The following EXOC4 variants were observed in gnomAD, a reference collection of about 807,000 sequenced individuals.
EXOC4 encodes exocyst complex component 4, also known as SEC8-like 1.
A neutral mutation model predicts 107.2 loss-of-function variants in EXOC4; 71 were observed. The ratio of observed to expected loss-of-function variants is 0.66; its 90% CI spans 0.55 to 0.81. The LOEUF (loss-of-function observed/expected upper bound fraction) is 0.81. EXOC4 is among the 30% of genes least tolerant of loss of function. The pLI is 0.00. For synonymous variants in EXOC4, 456 were observed against 441.2 expected (o/e 1.03, Z -0.42); for missense variants, 1,108 against 1,189.6 (o/e 0.93, Z 1.01).
intron 11 of EXOC4, among the ~76,000 whole-genome samples, chr7:133,846,529 T>C (rs1258261733): frequency 2.0e-5 from 3 of 152,320 alleles, no homozygotes; most frequent in East Asian, 1.9e-4. Flanking sequence ...CAATCAGATA[T>C]ACATTGTTCT....
At chr7:133,528,309 C>A (rs1800118029) in intron 9 of EXOC4, among the ~76,000 whole-genome samples, 1 of 152,020 alleles carries the variant, frequency 6.6e-6, no homozygotes, top group Non-Finnish European at 1.5e-5. Context: ...AGAGAAATTT[C>A]CTTATAGTCT....
At chr7:133,937,749 A>T in intron 13 of EXOC4, 142 bp from the exon 14 acceptor site, 1 of 747,390 alleles carries the variant, frequency 1.3e-6, no homozygotes, top group Non-Finnish European at 2.2e-6. Context: ...TAGTTGTCTC[A>T]CAAAGTTAAA....
chr7:133,413,948 T>C lies in EXOC4; in HGVS notation c.1182+38946T>C, dbSNP rs577345822. On this transcript the variant is annotated intron_variant, in intron 7 of 17. Coordinates refer to ENST00000253861, the MANE Select transcript of EXOC4 (RefSeq NM_021807.4). ...ACAGAGAAGACACTTGAAGCAGATA[T>C]AAAAATCACAAGCCCTAAAAGACTG... Among the ~76,000 whole-genome samples the C allele has an allele frequency of 3.9e-5, 6 of 152,118 alleles. No individual in the cohort carries two copies. The South Asian group carries it at 6.2e-4, about 16-fold the overall frequency.
chr7:134,020,589 T>G (rs901223467), intron 17 of EXOC4, among the ~76,000 whole-genome samples: 1 of 152,214 alleles, frequency 6.6e-6, no homozygotes, highest in Non-Finnish European at 1.5e-5. Context: ...CTTGGAAATT[T>G]GGGAGTAAAC....
chr7:133,387,171 A>G (rs890955142), intron 7 of EXOC4, among the ~76,000 whole-genome samples: 1 of 152,202 alleles, frequency 6.6e-6, no homozygotes, highest in Admixed American at 6.5e-5. Flanking sequence ...AGGATTAGTA[A>G]GTGATACAGG....
At chr7:133,494,901 C>T (rs1458852265) in intron 9 of EXOC4, among the ~76,000 whole-genome samples, 2 of 152,002 alleles carry the variant, frequency 1.3e-5, no homozygotes, top group African/African-American at 4.8e-5. Flanking sequence ...TAGTTATTAG[C>T]CATATTTGTT....
intron 10 of EXOC4, among the ~76,000 whole-genome samples, chr7:133,679,538 G>GTCCATCCATCCATCCATCCATCCATCCA (rs200481678): frequency 1.2e-4 from 17 of 143,150 alleles, no homozygotes; most frequent in African/African-American, 3.2e-4. Context: ...CCATCCGTCC[G>GTCCATCCATCCATCCATCCATCCATCCA]TCCGTCCATC....
intron 10 of EXOC4, among the ~76,000 whole-genome samples, chr7:133,700,670 A>G (rs977679737): frequency 6.6e-6 from 1 of 152,200 alleles, no homozygotes; most frequent in African/African-American, 2.4e-5. Flanking sequence ...ATAATAGACA[A>G]TCCAAATTCA....
chr7:133,736,100 G>T (rs1448134101), intron 10 of EXOC4, among the ~76,000 whole-genome samples: 4 of 151,586 alleles, frequency 2.6e-5, no homozygotes, highest in African/African-American at 4.8e-5. Flanking sequence ...AAAAAAAAAA[G>T]ATATTTATTT....
intron 7 of EXOC4, among the ~76,000 whole-genome samples, chr7:133,422,156 C>T (rs187057874): frequency 7.2e-5 from 11 of 152,248 alleles, no homozygotes; most frequent in East Asian, 1.9e-4. Context: ...TTTTTGCTTA[C>T]GCCTCTGAAC....
intron 11 of EXOC4, among the ~76,000 whole-genome samples, chr7:133,853,303 TTCTCTCTCCCTCTCTTTCTGTCTC>T (rs1798273966): frequency 9.6e-6 from 1 of 104,532 alleles, no homozygotes; most frequent in Admixed American, 9.7e-5. Context: ...CGCCCTCTCT[TTCTCTCTCCCTCTCTTTCTGTCTC>T]TCTCTCTCTC....
At chr7:133,631,796 C>A (rs1244067887) in intron 10 of EXOC4, among the ~76,000 whole-genome samples, 1 of 151,720 alleles carries the variant, frequency 6.6e-6, no homozygotes, top group Non-Finnish European at 1.5e-5. Flanking sequence ...GTTTAGTTTT[C>A]ACTGTCTTCT....
At chr7:133,719,581 TTGTC>T (rs1223766533) in intron 10 of EXOC4, among the ~76,000 whole-genome samples, 1 of 151,738 alleles carries the variant, frequency 6.6e-6, no homozygotes, top group Non-Finnish European at 1.5e-5. Flanking sequence ...CCTCAGACCT[TTGTC>T]TGTCTGCTGC....
intron 5 of EXOC4, among the ~76,000 whole-genome samples, chr7:133,355,767 A>G (rs537500964): frequency 1.3e-5 from 2 of 152,256 alleles, no homozygotes; most frequent in South Asian, 4.1e-4. Context: ...GTTCTTTTGT[A>G]TTTATGAAAT....
At chr7:133,798,824 C>T (rs942696556) in intron 10 of EXOC4, among the ~76,000 whole-genome samples, 4 of 152,118 alleles carry the variant, frequency 2.6e-5, no homozygotes, top group Admixed American at 6.6e-5. Flanking sequence ...AGCACAATCC[C>T]TCTACTCAGA....
At chr7:133,738,294 C>T (rs1795491644) in intron 10 of EXOC4, among the ~76,000 whole-genome samples, 1 of 152,090 alleles carries the variant, frequency 6.6e-6, no homozygotes, top group African/African-American at 2.4e-5. Flanking sequence ...CAATGTCAAT[C>T]TATTTGAGAC....
chr7:133,406,642 A>G (rs1797227420), intron 7 of EXOC4, among the ~76,000 whole-genome samples: 1 of 152,240 alleles, frequency 6.6e-6, no homozygotes, highest in Non-Finnish European at 1.5e-5. Context: ...TAGAGAAAGA[A>G]ATATATTATT....
intron 16 of EXOC4, 66 bp from the exon 17 acceptor site, chr7:134,007,610 G>A (rs1585317388): frequency 6.9e-7 from 1 of 1,459,478 alleles, no homozygotes; most frequent in Non-Finnish European, 9.2e-7. Context: ...CTGTGTGCAA[G>A]TTTCTGCAGG....
chr7:134,039,287 A>G (rs1485813792), intron 17 of EXOC4, among the ~76,000 whole-genome samples: 1 of 152,152 alleles, frequency 6.6e-6, no homozygotes, highest in Non-Finnish European at 1.5e-5. Flanking sequence ...GGAGTGCATA[A>G]TAAACCTTGG....
Sources: gnomAD v4.1 joint callset for allele counts (sites outside exome capture counted in the v4.1 genomes callset) on GRCh38, gnomAD v4.1.1 for gene constraint, MANE v1.5 for transcripts, NCBI Gene and HGNC (gene_info 2026-07-23, HGNC 2026-07-21) for gene names.